PRKD1: variants seen among roughly 807,000 people sequenced by gnomAD.
The protein encoded by PRKD1 is serine/threonine-protein kinase D1.
A neutral mutation model predicts 95.9 loss-of-function variants in PRKD1; 63 were observed. That is an observed-to-expected ratio of 0.66 (90% CI 0.54 to 0.81). The LOEUF is 0.81. Ranked by LOEUF, PRKD1 falls within the 30% of genes least tolerant of loss-of-function variation. The probability of loss-of-function intolerance (pLI) is 0.00; values close to 1 mark genes in which losing one functional copy is unlikely to be tolerated. For missense variants in PRKD1, 1,048 were observed against 1,165.3 expected (o/e 0.90, Z 1.47); for synonymous variants, 425 against 423.1 (o/e 1.00, Z -0.05).
chr14:29,703,836 T>G (rs1023021591), intron 2 of PRKD1, among the ~76,000 whole-genome samples: 2 of 152,120 alleles, frequency 1.3e-5, no homozygotes, highest in African/African-American at 4.8e-5. Flanking sequence ...CTCAAACTCT[T>G]TCCTATGAAT....
At chr14:29,796,224 T>C (rs1009605588) in intron 1 of PRKD1, among the ~76,000 whole-genome samples, 2 of 152,204 alleles carry the variant, frequency 1.3e-5, no homozygotes, top group Non-Finnish European at 2.9e-5. Context: ...TGATGCAGTT[T>C]CCTGAATGGA....
At chr14:29,806,693 A>G (rs974331090) in intron 1 of PRKD1, among the ~76,000 whole-genome samples, 2 of 152,198 alleles carry the variant, frequency 1.3e-5, no homozygotes, top group Non-Finnish European at 2.9e-5. Flanking sequence ...AACTTAAAGA[A>G]AAGAAAAAGC....
chr14:29,703,243 T>C (rs1315942119), intron 2 of PRKD1, among the ~76,000 whole-genome samples: 2 of 152,196 alleles, frequency 1.3e-5, no homozygotes, highest in Non-Finnish European at 2.9e-5. Context: ...CTATGCCTAC[T>C]AGACTTTGGA....
chr14:29,641,526 G>A (rs1880765641), intron 4 of PRKD1, among the ~76,000 whole-genome samples: 1 of 152,142 alleles, frequency 6.6e-6, no homozygotes, highest in Admixed American at 6.6e-5. Flanking sequence ...GAACACCTTG[G>A]GAAAGCGAGA....
At chr14:29,750,003 T>G (rs765896729) in intron 1 of PRKD1, among the ~76,000 whole-genome samples, 1 of 152,188 alleles carries the variant, frequency 6.6e-6, no homozygotes, top group Admixed American at 6.5e-5. Flanking sequence ...CAGAGTCTGA[T>G]GAATGGCCAA....
rs760442308 is a variant in PRKD1 at position 29,597,645 on chromosome 14, G to A, written c.2280C>T (p.Tyr760=). The A allele has an allele frequency of 7.4e-6, 12 of 1,614,064 alleles. No homozygotes were observed. The highest frequency in any genetic ancestry group is 2.2e-5 in the East Asian group (1 of 44,866). The part of the protein sequence containing the change: ...LAPEVLRNKG[Y]NRSLDMWSVG... ...CAGACCACATGTCTAGAGAGCGATT[G>A]TAGCCCTTGTTCCTTAGGACCTCAG... The change falls in exon 16 of 18, where the codon TAC becomes TAT. Residue 760 remains tyrosine, a synonymous_variant. Coordinates refer to ENST00000331968, the MANE Select transcript of PRKD1 (RefSeq NM_002742.3).
At chr14:29,667,241 T>C (rs1566526081) in intron 2 of PRKD1, among the ~76,000 whole-genome samples, 2 of 152,126 alleles carry the variant, frequency 1.3e-5, no homozygotes. Flanking sequence ...AGCACGAGTC[T>C]CAGTTTCTCA....
intron 2 of PRKD1, among the ~76,000 whole-genome samples, chr14:29,707,819 T>C (rs895290821): frequency 1.3e-5 from 2 of 152,266 alleles, no homozygotes; most frequent in South Asian, 2.1e-4. Context: ...GTCGGCTTCA[T>C]GAATGTTGAT....
chr14:29,891,982 T>A (rs1035070827), intron 1 of PRKD1, among the ~76,000 whole-genome samples: 2 of 152,214 alleles, frequency 1.3e-5, no homozygotes, highest in African/African-American at 4.8e-5. Flanking sequence ...CTAATGCTGA[T>A]GAATACGTCA....
At chr14:29,675,779 C>T (rs1566531565) in intron 2 of PRKD1, among the ~76,000 whole-genome samples, 1 of 152,004 alleles carries the variant, frequency 6.6e-6, no homozygotes. Context: ...CACATATACA[C>T]CATGGAATAC....
intron 1 of PRKD1, among the ~76,000 whole-genome samples, chr14:29,790,445 A>G (rs1170679051): frequency 6.6e-6 from 1 of 152,216 alleles, no homozygotes; most frequent in Non-Finnish European, 1.5e-5. Context: ...GAATAAAGAA[A>G]GAGTTGATCC....
chr14:29,582,228 T>C (rs944292201), intron 16 of PRKD1, among the ~76,000 whole-genome samples: 1 of 152,362 alleles, frequency 6.6e-6, no homozygotes, highest in African/African-American at 2.4e-5. Context: ...GCAAATCATC[T>C]ATTTAATCAT....
chr14:29,639,415 T>A lies in PRKD1; in HGVS notation c.697-511A>T, dbSNP rs985706495. 1.3e-5 allele frequency among the ~76,000 whole-genome samples: 2 copies of A among 151,384 alleles called. 1 individual carries two copies. Among genetic ancestry groups the A allele is most frequent in the Admixed American group, 1.3e-4 (2 of 15,174 alleles). On this transcript the variant is annotated intron_variant, in intron 4 of 17. Transcript: ENST00000331968. ...CGGGTGGATCATTTGGTGTCAGGAGTTCAAGACCAGCCTGGCTAACATGGT... is the reference window on the plus strand; with the variant it reads ...CGGGTGGATCATTTGGTGTCAGGAGATCAAGACCAGCCTGGCTAACATGGT...
chr14:29,920,015 G>GGGAGGGAAGGAA (rs1895035327), intron 1 of PRKD1, among the ~76,000 whole-genome samples: 1 of 104,392 alleles, frequency 9.6e-6, no homozygotes, highest in African/African-American at 4.1e-5. Context: ...GAAGGAAGGA[G>GGGAGGGAAGGAA]GGAAGGAAGG....
chr14:29,591,889 C>G (rs1241753931), intron 16 of PRKD1, among the ~76,000 whole-genome samples: 1 of 152,020 alleles, frequency 6.6e-6, no homozygotes, highest in Non-Finnish European at 1.5e-5. Context: ...TGATCTATTT[C>G]TTGTTCTTGT....
chr14:29,775,369 C>A (rs1272924632), intron 1 of PRKD1, among the ~76,000 whole-genome samples: 1 of 152,188 alleles, frequency 6.6e-6, no homozygotes, highest in Non-Finnish European at 1.5e-5. Flanking sequence ...CCGGGAAAAG[C>A]AAAGGGTCAG....
chr14:29,609,718 T>TTG (rs1555327799), intron 13 of PRKD1, among the ~76,000 whole-genome samples: 2 of 123,696 alleles, frequency 1.6e-5, no homozygotes, highest in Non-Finnish European at 3.6e-5. Flanking sequence ...TTCTTTATTT[T>TTG]TTTTTTTTTT....
intron 1 of PRKD1, among the ~76,000 whole-genome samples, chr14:29,923,861 A>T (rs1895208556): frequency 6.6e-6 from 1 of 151,370 alleles, no homozygotes; most frequent in South Asian, 2.1e-4. Flanking sequence ...TGTGTGGTAG[A>T]TAAGTAGATG....
chr14:29,594,893 A>G (rs1333064366), intron 16 of PRKD1, among the ~76,000 whole-genome samples: 9 of 152,170 alleles, frequency 5.9e-5, no homozygotes, highest in African/African-American at 2.2e-4. Flanking sequence ...TGGGCCAGTA[A>G]CTACTTTTGT....
Sources: gnomAD v4.1 joint callset for allele counts (sites outside exome capture counted in the v4.1 genomes callset) on GRCh38, gnomAD v4.1.1 for gene constraint, MANE v1.5 for transcripts, NCBI Gene and HGNC (gene_info 2026-07-23, HGNC 2026-07-21) for gene names.